The following PDGFA variants were observed in gnomAD, a reference collection of about 807,000 sequenced individuals.
PDGFA encodes the protein platelet-derived growth factor subunit A.
In PDGFA, 9 loss-of-function variants were observed where a neutral mutation model predicts 25.6. The ratio of observed to expected loss-of-function variants is 0.35; its 90% confidence interval spans 0.21 to 0.61. The LOEUF is 0.61. PDGFA is among the 20% of genes least tolerant of loss of function. PDGFA has a pLI of 0.75. For missense variants in PDGFA, 242 were observed against 272.8 expected, an observed-to-expected ratio of 0.89 and a Z score of 0.79; for synonymous variants, 133 against 111.8, an observed-to-expected ratio of 1.19 and a Z score of -1.20.
chr7:505,849 A>T (rs576241324), intron 4 of PDGFA, among the ~76,000 whole-genome samples: 1 of 152,150 alleles, frequency 6.6e-6, no homozygotes, highest in South Asian at 2.1e-4. Flanking sequence ...AGAGACTTGG[A>T]ATGTCACTCA....
rs754852046 is a variant in PDGFA at position 501,130 on chromosome 7, C to T, written c.566G>A (p.Arg189Gln). Residue 189 changes from arginine (R) to glutamine (Q), a missense_variant, in exon 5 of 6, where the codon CGG becomes CAG. Transcript: ENST00000402802. ...CAGCCACTCACCCGTGTCCTCTTCC[C>T]GATAATCCGGATTCAGGCTTGTGGT... 2.5e-6 allele frequency: 4 copies of T among 1,614,110 alleles called. No homozygotes were observed. The South Asian group carries it at 4.4e-5, about 18-fold the overall frequency.
At chr7:504,502 C>T (rs539544944) in intron 4 of PDGFA, among the ~76,000 whole-genome samples, 2 of 152,312 alleles carry the variant, frequency 1.3e-5, no homozygotes, top group East Asian at 3.9e-4. Flanking sequence ...TCCTTCCTCC[C>T]CTCCCCTGGA....
chr7:502,854 A>C lies in PDGFA; in HGVS notation c.454-1612T>G, dbSNP rs571215308. 5.9e-5 allele frequency among the ~76,000 whole-genome samples: 9 copies of C among 151,482 alleles called. No individual in the cohort carries two copies. In the East Asian group the frequency reaches 7.7e-4, roughly 13 times the overall value. ...TGTCACGGGAACACAACTCCACCCCACACACACACCTGTATAATGCACACA... is the reference window on the plus strand; with the variant it reads ...TGTCACGGGAACACAACTCCACCCCCCACACACACCTGTATAATGCACACA... On this transcript the variant is annotated intron_variant, in intron 4 of 5. Coordinates refer to ENST00000402802, the Ensembl canonical transcript of PDGFA.
chr7:515,120 CT>C (rs1783030588), intron 2 of PDGFA, among the ~76,000 whole-genome samples: 2 of 152,216 alleles, frequency 1.3e-5, no homozygotes, highest in Admixed American at 1.3e-4. Context: ...CTCAAAGCCT[CT>C]TTTCTGCTTC....
At chr7:503,218 A>G (rs1046865887) in intron 4 of PDGFA, among the ~76,000 whole-genome samples, 1 of 152,150 alleles carries the variant, frequency 6.6e-6, no homozygotes, top group African/African-American at 2.4e-5. Context: ...ACACCAGGGA[A>G]TAGCCACCAC....
At chr7:498,611 C>T (rs750394041) in intron 5 of PDGFA, 37 bp from the exon 6 acceptor site, 11 of 1,606,454 alleles carry the variant, frequency 6.8e-6, no homozygotes, top group South Asian at 2.2e-5. Flanking sequence ...CTGAGACCAC[C>T]GACCAAGTGA....
chr7:508,455 G>C (rs1404943767), intron 4 of PDGFA, among the ~76,000 whole-genome samples: 2 of 149,796 alleles, frequency 1.3e-5, no homozygotes, highest in African/African-American at 4.9e-5. Context: ...TAGCATTCAG[G>C]AGGCTTAGGT....
In PDGFA at chr7:517,999, ACGCACGCGCGCGCAGACACACACACG is replaced by A. The variant is rs979668649; in HGVS notation, c.64-535_64-510del. Reference sequence around the variant, plus strand: ...AGAGGTCTCTCCGTCTCACAAACACACGCACGCGCGCGCAGACACACACACGCGCACACACATCTCACTCACACACT... The same window carrying A: ...AGAGGTCTCTCCGTCTCACAAACACACGCACACACATCTCACTCACACACT... On this transcript the variant is annotated intron_variant, in intron 1 of 5. Transcript: ENST00000402802. This position sits in a 1 kb window ranked among gnomAD's most constrained non-coding sequence, Gnocchi z 7.4. 6.6e-6 allele frequency among the ~76,000 whole-genome samples: 1 copy of A among 151,772 alleles called. No individual in the cohort carries two copies. The highest frequency in any genetic ancestry group is 1.5e-5 in the Non-Finnish European group (1 of 67,946).
chr7:503,305 G>A (rs981708817), intron 4 of PDGFA, among the ~76,000 whole-genome samples: 6 of 152,248 alleles, frequency 3.9e-5, no homozygotes, highest in South Asian at 2.1e-4. Context: ...CAGCCCTGCC[G>A]CATGCAGGGT....
chr7:508,652 G>A (rs1209625171), intron 4 of PDGFA, among the ~76,000 whole-genome samples: 1 of 145,988 alleles, frequency 6.8e-6, no homozygotes, highest in Non-Finnish European at 1.5e-5. Context: ...ACTAGGGGCC[G>A]CACCCGCCTG....
intron 4 of PDGFA, among the ~76,000 whole-genome samples, chr7:507,651 G>A (rs1008606869): frequency 1.3e-5 from 2 of 152,250 alleles, no homozygotes; most frequent in South Asian, 2.1e-4. Flanking sequence ...GAACTGACAT[G>A]AGAATCTCTA....
intron 4 of PDGFA, among the ~76,000 whole-genome samples, chr7:504,002 T>C (rs920495655): frequency 6.6e-6 from 1 of 152,074 alleles, no homozygotes; most frequent in African/African-American, 2.4e-5. Context: ...GACAGAATCC[T>C]CCAGAGAGAG....
chr7:504,051 G>C (rs1353912900), intron 4 of PDGFA, among the ~76,000 whole-genome samples: 2 of 152,180 alleles, frequency 1.3e-5, no homozygotes, highest in African/African-American at 4.8e-5. Context: ...CCTCCCATCT[G>C]TAAAACGGAG....
At chr7:506,264 C>T (rs1442858232) in intron 4 of PDGFA, among the ~76,000 whole-genome samples, 1 of 151,686 alleles carries the variant, frequency 6.6e-6, no homozygotes, top group Non-Finnish European at 1.5e-5. Context: ...GCCAACAAAG[C>T]AAGACCCTGT....
chr7:511,005 G>C lies in PDGFA; in HGVS notation c.266-9C>G. ...AGCGGGGACAGCTTCCTCTGCAACGGCGGGGGCACAGTGAGCGGGGACCGG... is the reference window on the plus strand; with the variant it reads ...AGCGGGGACAGCTTCCTCTGCAACGCCGGGGGCACAGTGAGCGGGGACCGG... On this transcript the variant is annotated splice_polypyrimidine_tract_variant and intron_variant, in intron 3 of 5. Transcript: ENST00000402802. The C allele has an allele frequency of 6.2e-7, 1 of 1,609,782 alleles. No individual in the cohort carries two copies. The highest frequency in any genetic ancestry group is 8.5e-7 in the Non-Finnish European group (1 of 1,177,832).
At chr7:510,905 G>A in exon 4 of PDGFA, 1 of 1,612,614 alleles carries the variant, frequency 6.2e-7, no homozygotes, top group Non-Finnish European at 8.5e-7. Flanking sequence ...ACGGGGGCCA[G>A]ATCAGGAAGT....
intron 1 of PDGFA, 63 bp downstream of exon 1, chr7:518,876 A>C: frequency 1.3e-5 from 14 of 1,106,160 alleles, no homozygotes; most frequent in African/African-American, 1.6e-5. Flanking sequence ...GTGGCGCCCC[A>C]GCCGGCGGGG....
At chr7:520,033 G>A, upstream of PDGFA, 1 of 396,374 alleles carries the variant, frequency 2.5e-6, no homozygotes, top group Non-Finnish European at 5.0e-6. Flanking sequence ...GCACACACGC[G>A]CTCGCGCAAG....
At chr7:515,273 C>T (rs372017417) in intron 2 of PDGFA, among the ~76,000 whole-genome samples, 3 of 152,164 alleles carry the variant, frequency 2.0e-5, no homozygotes, top group Non-Finnish European at 2.9e-5. Flanking sequence ...CTGTCCCCTG[C>T]CCCTAACAGA....
Sources: allele counts gnomAD v4.1 joint callset (sites outside exome capture counted in the v4.1 genomes callset), GRCh38; gene constraint gnomAD v4.1.1; non-coding constraint Gnocchi (gnomAD v3.1); transcripts MANE v1.5; gene names NCBI Gene and HGNC (gene_info 2026-07-23, HGNC 2026-07-21).